SEMA6A: variants seen among roughly 807,000 people sequenced by gnomAD.
The protein encoded by SEMA6A is semaphorin-6A.
SEMA6A carries 25 observed loss-of-function variants against 96.8 expected under a neutral mutation model. The ratio of observed to expected loss-of-function variants is 0.26; its 90% confidence interval spans 0.19 to 0.36. The LOEUF (loss-of-function observed/expected upper bound fraction) is 0.36. Ranked by LOEUF, SEMA6A falls within the 10% of genes least tolerant of loss-of-function variation. SEMA6A has a pLI of 1.00. For synonymous variants in SEMA6A, 612 were observed against 518.0 expected, an observed-to-expected ratio of 1.18 and a Z score of -2.46; for missense variants, 1,363 against 1,323.1, an observed-to-expected ratio of 1.03 and a Z score of -0.47.
intron 10 of SEMA6A, among the ~76,000 whole-genome samples, chr5:116,484,490 A>C (rs1026121517): frequency 6.6e-6 from 1 of 152,044 alleles, no homozygotes; most frequent in African/African-American, 2.4e-5. Context: ...GTTGGCTCAC[A>C]CTTCAGTGTG....
chr5:116,487,039 C>T, intron 9 of SEMA6A, 73 bp from the exon 10 acceptor site: 3 of 1,059,176 alleles, frequency 2.8e-6, no homozygotes, highest in Non-Finnish European at 4.3e-6. Flanking sequence ...AATCTGCATT[C>T]CTTGAAAACA....
chr5:116,488,072 G>A, intron 9 of SEMA6A, 36 bp downstream of exon 9: 3 of 1,373,576 alleles, frequency 2.2e-6, no homozygotes, highest in South Asian at 1.2e-5. Flanking sequence ...TTCTGAAAAT[G>A]TTACAAACTG....
intron 1 of SEMA6A, among the ~76,000 whole-genome samples, chr5:116,549,267 A>G (rs555598711): frequency 5.3e-5 from 8 of 152,178 alleles, no homozygotes; most frequent in Non-Finnish European, 7.4e-5. Context: ...TCATAATGGA[A>G]TAAGTTCCCC....
chr5:116,569,700 T>C (rs1471602982), intron 1 of SEMA6A, among the ~76,000 whole-genome samples: 1 of 152,064 alleles, frequency 6.6e-6, no homozygotes, highest in East Asian at 1.9e-4. Flanking sequence ...GCCAACAGCA[T>C]TGCAGCCACA....
chr5:116,506,236 C>G (rs1375069961), intron 1 of SEMA6A, among the ~76,000 whole-genome samples: 1 of 152,178 alleles, frequency 6.6e-6, no homozygotes, highest in South Asian at 2.1e-4. Flanking sequence ...AAGTGTTGCA[C>G]TGTAACTTAT....
chr5:116,463,120 C>T (rs1561471532), intron 18 of SEMA6A, among the ~76,000 whole-genome samples: 5 of 152,296 alleles, frequency 3.3e-5, no homozygotes, highest in African/African-American at 1.2e-4. Context: ...ACCCTATTCT[C>T]TCTTTGTCAA....
chr5:116,569,735 C>G (rs1761135285), intron 1 of SEMA6A, among the ~76,000 whole-genome samples: 1 of 152,106 alleles, frequency 6.6e-6, no homozygotes, highest in South Asian at 2.1e-4. Context: ...GACAGAGAAG[C>G]TTCAAGGAGA....
chr5:116,502,372 C>G, intron 2 of SEMA6A, 45 bp from the exon 3 acceptor site: 2 of 1,562,948 alleles, frequency 1.3e-6, no homozygotes, highest in South Asian at 1.1e-5. Context: ...GCAAATCAAG[C>G]CAGGAATTGA....
chr5:116,507,542 A>G (rs2112781961), intron 1 of SEMA6A, among the ~76,000 whole-genome samples: 1 of 152,334 alleles, frequency 6.6e-6, no homozygotes, highest in Middle Eastern at 3.4e-3. Flanking sequence ...ACCTTGAGTG[A>G]GCAGTGTTGC....
chr5:116,506,877 A>C (rs1758167015), intron 1 of SEMA6A, among the ~76,000 whole-genome samples: 1 of 152,204 alleles, frequency 6.6e-6, no homozygotes, highest in African/African-American at 2.4e-5. Context: ...TTTTCTTGAC[A>C]TGACAAACGA....
In SEMA6A at chr5:116,447,481, A is replaced by G; in HGVS notation, c.2225T>C (p.Leu742Pro). The part of the protein sequence containing the change: ...LATPGNTAKM[L>P]IKADQHHLDL... ...CAGGTGGTGCTGGTCTGCTTTAATG[A>G]GCATCTTGGCCGTGTTGCCGGGAGT... Residue 742 changes from leucine (L) to proline (P), a missense_variant, in exon 19 of 19, where the codon CTC (leucine) becomes CCC (proline). Transcript: ENST00000343348. 1 of 1,613,982 alleles carries G rather than the reference A, an allele frequency of 6.2e-7. No individual in the cohort carries two copies. The highest frequency in any genetic ancestry group is 8.5e-7 in the Non-Finnish European group (1 of 1,179,886).
intron 11 of SEMA6A, among the ~76,000 whole-genome samples, chr5:116,481,419 C>T (rs913481306): frequency 1.3e-5 from 2 of 152,130 alleles, no homozygotes; most frequent in African/African-American, 4.8e-5. Context: ...AGTCTGCTCT[C>T]CATAAGTAAC....
chr5:116,482,332 G>T, intron 11 of SEMA6A, 112 bp downstream of exon 11: 1 of 1,183,564 alleles, frequency 8.4e-7, no homozygotes, highest in Non-Finnish European at 1.2e-6. Flanking sequence ...AAGGCAATCT[G>T]CTTGGCTGGC....
At chr5:116,536,487 A>T (rs1759717197) in intron 1 of SEMA6A, 1 of 152,174 alleles carries the variant, frequency 6.6e-6, no homozygotes, top group African/African-American at 2.4e-5. Flanking sequence ...ATGACCAATC[A>T]AAGTCTCACT....
intron 15 of SEMA6A, among the ~76,000 whole-genome samples, chr5:116,477,066 A>T (rs191732): frequency 0.33 from 49,796 of 152,098 alleles, 9,545 homozygotes; most frequent in Non-Finnish European, 0.44. Flanking sequence ...AGGTTGAAGA[A>T]ATGGCTGTGT....
chr5:116,495,812 T>C lies in SEMA6A; in HGVS notation c.343-298A>G, dbSNP rs964397890. ...CCATCATATTAATTTTAATGCCAGA[T>C]GCTCCAGCGTTCCCTGATGTACAAA... On this transcript the variant is annotated intron_variant, in intron 5 of 18. Transcript: ENST00000343348. 8.0e-6 allele frequency: 3 copies of C among 375,482 alleles called. No homozygotes were observed. The Admixed American group carries it at 1.3e-4, about 16-fold the overall frequency. 23.3% of individuals were successfully genotyped at this position (375,482 alleles called of 1,614,324 possible).
intron 1 of SEMA6A, among the ~76,000 whole-genome samples, chr5:116,515,568 A>G (rs1758631211): frequency 6.6e-6 from 1 of 152,220 alleles, no homozygotes; most frequent in Admixed American, 6.5e-5. Flanking sequence ...CAAACCAGAG[A>G]TATTTTAGCA....
intron 10 of SEMA6A, among the ~76,000 whole-genome samples, chr5:116,483,010 T>C (rs1756866538): frequency 6.6e-6 from 1 of 152,160 alleles, no homozygotes. Context: ...TATTGCTTCT[T>C]TGAATTTGGT....
intron 1 of SEMA6A, among the ~76,000 whole-genome samples, chr5:116,529,437 G>A (rs1443095913): frequency 6.6e-6 from 1 of 152,124 alleles, no homozygotes. Context: ...AATGTTTGAG[G>A]TGATGGAAAT....
Sources: gnomAD v4.1 joint callset for allele counts (sites outside exome capture counted in the v4.1 genomes callset) on GRCh38, gnomAD v4.1.1 for gene constraint, MANE v1.5 for transcripts, NCBI Gene and HGNC (gene_info 2026-07-23, HGNC 2026-07-21) for gene names.